BRINP3: variants seen among roughly 807,000 people sequenced by gnomAD.
BRINP3 encodes the protein BMP/retinoic acid inducible neural specific 3, also known as BMP/retinoic acid-inducible neural-specific protein 3.
In BRINP3, 19 loss-of-function variants were observed where a neutral mutation model predicts 71.0. That is an observed-to-expected ratio of 0.27 (90% confidence interval 0.19 to 0.39). The LOEUF is 0.39. Ranked by LOEUF, BRINP3 falls within the 10% of genes least tolerant of loss-of-function variation. BRINP3 has a pLI of 1.00. For synonymous variants in BRINP3, 380 were observed against 337.7 expected (o/e 1.13, Z -1.37); for missense variants, 959 against 940.8 (o/e 1.02, Z -0.25).
intron 2 of BRINP3, among the ~76,000 whole-genome samples, chr1:190,331,884 T>C (rs543256711): frequency 2.0e-5 from 3 of 152,192 alleles, no homozygotes; most frequent in South Asian, 2.1e-4. Flanking sequence ...TATAGACATG[T>C]TGATGGCAGA....
chr1:190,168,179 T>C (rs1167721042), intron 6 of BRINP3, among the ~76,000 whole-genome samples: 1 of 151,314 alleles, frequency 6.6e-6, no homozygotes, highest in East Asian at 2.0e-4. Context: ...GACAAATACA[T>C]GACCAGTGCC....
intron 2 of BRINP3, among the ~76,000 whole-genome samples, chr1:190,413,185 G>A (rs1478980106): frequency 2.0e-5 from 3 of 152,048 alleles, no homozygotes; most frequent in Non-Finnish European, 2.9e-5. Context: ...GTGTGTGCAC[G>A]TGCATGTGCG....
At position 190,098,060 on chromosome 1, in the gene BRINP3, C is replaced by T; in HGVS notation, c.2259G>A (p.Leu753=). Residue 753 remains leucine (L), a synonymous_variant, in exon 8 of 8, where the codon TTG becomes TTA. Transcript: ENST00000367462. ...QSALQAFNAK[L]PNTMDYDTTK... ...TCGTGTCATAATCCATTGTGTTTGG[C>T]AATTTGGCATTAAACGCCTGCAGAG... The T allele has an allele frequency of 6.2e-7, 1 of 1,613,630 alleles. No homozygotes were observed. The highest frequency in any genetic ancestry group is 1.7e-5 in the Admixed American group (1 of 59,922).
intron 6 of BRINP3, among the ~76,000 whole-genome samples, chr1:190,163,283 T>C (rs939039240): frequency 2.0e-5 from 3 of 152,074 alleles, no homozygotes; most frequent in African/African-American, 7.2e-5. Flanking sequence ...TAAAGTATTA[T>C]TTGCTTTTAA....
intron 2 of BRINP3, among the ~76,000 whole-genome samples, chr1:190,407,169 TTAG>T (rs893782448): frequency 6.6e-6 from 1 of 152,186 alleles, no homozygotes; most frequent in African/African-American, 2.4e-5. Context: ...AAACACAGGC[TTAG>T]TAGAAATAGT....
chr1:190,349,670 C>T (rs1056997120), intron 2 of BRINP3, among the ~76,000 whole-genome samples: 1 of 152,098 alleles, frequency 6.6e-6, no homozygotes, highest in Non-Finnish European at 1.5e-5. Context: ...TAACACTTTG[C>T]ATTCTTCACA....
At chr1:190,225,671 T>C (rs754270175) in intron 6 of BRINP3, among the ~76,000 whole-genome samples, 10 of 151,828 alleles carry the variant, frequency 6.6e-5, no homozygotes, top group Non-Finnish European at 1.2e-4. Flanking sequence ...TAGAAATAAG[T>C]GAAGTGAAAA....
chr1:190,473,540 C>CTTT (rs201424484), intron 1 of BRINP3, among the ~76,000 whole-genome samples: 4,597 of 132,988 alleles, frequency 0.035, 103 homozygotes, highest in Non-Finnish European at 0.046. Flanking sequence ...TAATTTTTCT[C>CTTT]TTTTTTTTTT....
chr1:190,373,768 A>T (rs1222053896), intron 2 of BRINP3, among the ~76,000 whole-genome samples: 5 of 151,788 alleles, frequency 3.3e-5, no homozygotes, highest in African/African-American at 1.2e-4. Flanking sequence ...GTGGAGGAGC[A>T]GTAGTATTAG....
At chr1:190,284,884 T>G (rs1281296098) in intron 2 of BRINP3, among the ~76,000 whole-genome samples, 1 of 152,066 alleles carries the variant, frequency 6.6e-6, no homozygotes, top group Non-Finnish European at 1.5e-5. Context: ...TTCAAGAAAC[T>G]TAATCTTCCA....
At chr1:190,238,460 CAAT>C in intron 4 of BRINP3, among the ~76,000 whole-genome samples, 1 of 151,958 alleles carries the variant, frequency 6.6e-6, no homozygotes, top group South Asian at 2.1e-4. Flanking sequence ...TACAAACTAA[CAAT>C]AATATGGCAA....
chr1:190,246,500 C>T (rs920109035), intron 4 of BRINP3, among the ~76,000 whole-genome samples: 1 of 151,118 alleles, frequency 6.6e-6, no homozygotes, highest in Non-Finnish European at 1.5e-5. Flanking sequence ...CTAAAATGCA[C>T]CAAGTTAGAA....
intron 2 of BRINP3, among the ~76,000 whole-genome samples, chr1:190,308,229 AAC>A (rs1328919802): frequency 1.3e-5 from 2 of 150,302 alleles, no homozygotes; most frequent in African/African-American, 5.0e-5. Flanking sequence ...ATTTAACGGC[AAC>A]CTAAACATAA....
chr1:190,437,409 T>C (rs1674535185), intron 2 of BRINP3, among the ~76,000 whole-genome samples: 2 of 151,804 alleles, frequency 1.3e-5, no homozygotes, highest in African/African-American at 2.4e-5. Flanking sequence ...TCAAATAACT[T>C]CACTTAATCC....
chr1:190,337,081 G>C (rs1227771554), intron 2 of BRINP3, among the ~76,000 whole-genome samples: 2 of 151,928 alleles, frequency 1.3e-5, no homozygotes, highest in African/African-American at 4.8e-5. Context: ...TGAGAAATCA[G>C]TCAACATGAA....
chr1:190,215,575 T>C (rs531477299), intron 6 of BRINP3, among the ~76,000 whole-genome samples: 1 of 152,118 alleles, frequency 6.6e-6, no homozygotes, highest in African/African-American at 2.4e-5. Context: ...ATTTATTTTT[T>C]CTTGCAAAAC....
At chr1:190,389,019 T>C (rs920626837) in intron 2 of BRINP3, among the ~76,000 whole-genome samples, 1 of 151,758 alleles carries the variant, frequency 6.6e-6, no homozygotes, top group Non-Finnish European at 1.5e-5. Flanking sequence ...GAATTAATGC[T>C]GAATAAAGGT....
chr1:190,127,576 T>C (rs1571776112), intron 7 of BRINP3, among the ~76,000 whole-genome samples: 2 of 152,016 alleles, frequency 1.3e-5, no homozygotes, highest in East Asian at 3.9e-4. Flanking sequence ...AATAAACAAG[T>C]ACTATATCAT....
chr1:190,278,787 G>C lies in BRINP3; in HGVS notation c.427+2773C>G, dbSNP rs986067913. Among the ~76,000 whole-genome samples the C allele has an allele frequency of 3.3e-5, 5 of 151,328 alleles. No individual in the cohort carries two copies. In the Admixed American group the frequency reaches 3.3e-4, roughly 10 times the overall value. On this transcript the variant is annotated intron_variant, in intron 3 of 7. Coordinates refer to ENST00000367462, the MANE Select transcript of BRINP3 (RefSeq NM_199051.3). ...CAAAAAACTGAAGTAAAATCATTTAGAGAGAGCATACTGCCATCACTGGAA... is the reference window on the plus strand; with the variant it reads ...CAAAAAACTGAAGTAAAATCATTTACAGAGAGCATACTGCCATCACTGGAA...
Sources: gnomAD v4.1 joint callset for allele counts (sites outside exome capture counted in the v4.1 genomes callset) on GRCh38, gnomAD v4.1.1 for gene constraint, MANE v1.5 for transcripts, NCBI Gene and HGNC (gene_info 2026-07-23, HGNC 2026-07-21) for gene names.